The following PPARGC1B variants were observed in gnomAD, a reference collection of about 807,000 sequenced individuals.
PPARGC1B encodes PPARG coactivator 1 beta.
PPARGC1B carries 34 observed loss-of-function variants against 101.6 expected under a neutral mutation model. That is an observed-to-expected ratio of 0.33 (90% CI 0.25 to 0.45). The LOEUF is 0.45. Among genes scored for constraint, PPARGC1B ranks in the 20% least tolerant of loss-of-function variants. The pLI, the probability that PPARGC1B is intolerant of heterozygous loss-of-function variation, is 1.00. For synonymous variants in PPARGC1B, 548 were observed against 539.3 expected (o/e 1.02, Z -0.22); for missense variants, 1,234 against 1,317.6 (o/e 0.94, Z 0.98).
intron 1 of PPARGC1B, among the ~76,000 whole-genome samples, chr5:149,753,907 T>G (rs1235020341): frequency 1.3e-5 from 2 of 152,178 alleles, no homozygotes; most frequent in African/African-American, 4.8e-5. Flanking sequence ...TTGGCCAGGC[T>G]GGTCTCGAAC....
At chr5:149,821,679 G>A (rs1041819255) in intron 2 of PPARGC1B, among the ~76,000 whole-genome samples, 2 of 152,136 alleles carry the variant, frequency 1.3e-5, no homozygotes, top group Non-Finnish European at 1.5e-5. Flanking sequence ...TCCTCCTCAT[G>A]GATTTTATCA....
chr5:149,799,821 C>G (rs1375620809), intron 1 of PPARGC1B, among the ~76,000 whole-genome samples: 1 of 151,236 alleles, frequency 6.6e-6, no homozygotes, highest in African/African-American at 2.4e-5. Context: ...CCTCAGCCTC[C>G]TGAATAGCTG....
intron 9 of PPARGC1B, among the ~76,000 whole-genome samples, chr5:149,840,669 C>G (rs1266247159): frequency 6.6e-6 from 1 of 152,238 alleles, no homozygotes; most frequent in Non-Finnish European, 1.5e-5. Flanking sequence ...TCCACAGGCC[C>G]TGGCCTTCTG....
rs200880286 is a variant in PPARGC1B at position 149,837,007 on chromosome 5, G to A, written c.2552G>A (p.Arg851His). The A allele has an allele frequency of 6.3e-5, 101 of 1,613,896 alleles. No individual in the cohort carries two copies. Among genetic ancestry groups the A allele is most frequent in the Admixed American group, 1.0e-4 (6 of 60,024 alleles). Reference sequence around the variant, plus strand: ...AAGGCCAACCGGCAGCTCTGTTCCCGCAGCCGCTCAAGCTCTGGCTCTTCA... The same window carrying A: ...AAGGCCAACCGGCAGCTCTGTTCCCACAGCCGCTCAAGCTCTGGCTCTTCA... ...PSKANRQLCS[R>H]SRSSSGSSPC... Residue 851 changes from arginine (R) to histidine (H), a missense_variant, in exon 8 of 12, where the codon CGC becomes CAC. This residue lies in a region of PPARGC1B where 497 missense variants were observed against 529.5 expected (regional missense o/e 0.94). Coordinates refer to ENST00000309241, the MANE Select transcript of PPARGC1B (RefSeq NM_133263.4). The surrounding 1 kb of genome is among the most constrained non-coding windows in gnomAD (Gnocchi z 4.2).
intron 5 of PPARGC1B, 54 bp from the exon 6 acceptor site, chr5:149,834,620 A>G: frequency 1.3e-6 from 2 of 1,558,466 alleles, no homozygotes; most frequent in Non-Finnish European, 1.8e-6. Flanking sequence ...GAGGGGAAAC[A>G]TCTGCTAGTG....
At position 149,830,703 on chromosome 5, in the gene PPARGC1B, A is replaced by G; in HGVS notation, c.466-64A>G. On this transcript the variant is annotated intron_variant, in intron 3 of 11. Transcript: ENST00000309241. Reference sequence around the variant, plus strand: ...CAAGGTCAGTCCTGAGGGGCTGGCCATGCAGTCCATGTCCTCTGGCTGTGG... The same window carrying G: ...CAAGGTCAGTCCTGAGGGGCTGGCCGTGCAGTCCATGTCCTCTGGCTGTGG... The G allele has an allele frequency of 4.1e-6, 5 of 1,225,772 alleles. No homozygotes were observed. In the Admixed American group the frequency reaches 8.5e-5, roughly 21 times the overall value. The allele number at this position is 1,225,772 out of a possible 1,614,324, so 75.9% of individuals were successfully genotyped here. A position where few individuals can be genotyped will look rare whatever the true frequency, so the allele number is the denominator to read the frequency against.
chr5:149,784,337 C>T (rs555268606), intron 1 of PPARGC1B, among the ~76,000 whole-genome samples: 2 of 152,144 alleles, frequency 1.3e-5, no homozygotes, highest in South Asian at 4.2e-4. Flanking sequence ...GAAGCAGCCA[C>T]CTCATGGGGC....
In PPARGC1B at chr5:149,836,845, G is replaced by A. The variant is rs866697972; in HGVS notation, c.2390G>A (p.Ser797Asn). 1.9e-5 allele frequency: 30 copies of A among 1,613,076 alleles called. No homozygotes were observed. The highest frequency in any genetic ancestry group is 2.7e-5 in the African/African-American group (2 of 74,952). ...GACACTGTCTTTGAAGACAGCAGCA[G>A]CAGCAGCGGCGAGAGCAGCTTCCTC... ...EYDTVFEDSSSSSGESSFLPE... is the reference protein window; with the variant it reads ...EYDTVFEDSSNSSGESSFLPE... Residue 797 changes from serine to asparagine, a missense_variant, in exon 8 of 12, where the codon AGC becomes AAC. Physicochemically the swap from Ser to Asn is conservative, Grantham distance 46. Coordinates refer to ENST00000309241, the MANE Select transcript of PPARGC1B (RefSeq NM_133263.4).
At chr5:149,734,549 GTTGT>G (rs1007792330) in intron 1 of PPARGC1B, among the ~76,000 whole-genome samples, 4 of 151,698 alleles carry the variant, frequency 2.6e-5, no homozygotes, top group East Asian at 3.9e-4. Context: ...ACTCATTTAC[GTTGT>G]TTAATTTTTT....
intron 1 of PPARGC1B, among the ~76,000 whole-genome samples, chr5:149,782,631 G>A (rs1756636718): frequency 6.6e-6 from 1 of 152,240 alleles, no homozygotes; most frequent in Admixed American, 6.5e-5. Flanking sequence ...CCATTTCAAG[G>A]AGCCCTTTTA....
In PPARGC1B at chr5:149,836,368, C is replaced by G. The variant is rs1218266661; in HGVS notation, c.1913C>G (p.Ser638Cys). ...LGKEIALSLP[S>C]PEGLSLKATP... ...AAAGAAATAGCTCTCAGCCTCCCCTCCCCTGAGGGCCTCTCACTCAAGGCC... is the reference window on the plus strand; with the variant it reads ...AAAGAAATAGCTCTCAGCCTCCCCTGCCCTGAGGGCCTCTCACTCAAGGCC... Residue 638 changes from serine to cysteine, a missense_variant, in exon 8 of 12, where the codon TCC becomes TGC. Ser to Cys is a moderately radical substitution (Grantham distance 112). Transcript: ENST00000309241. 2 of 1,614,022 alleles carry G rather than the reference C, an allele frequency of 1.2e-6. No individual in the cohort carries two copies. Among genetic ancestry groups the G allele is most frequent in the African/African-American group, 1.3e-5 (1 of 74,924 alleles).
Position 149,826,873 on chromosome 5 carries a change from C to T in PPARGC1B, c.453C>T (p.Asp151=), listed in dbSNP as rs746963333. The change falls in exon 3 of 12, where the codon GAC becomes GAT. Residue 151 remains aspartate (D), a synonymous_variant. Coordinates refer to ENST00000309241, the MANE Select transcript of PPARGC1B (RefSeq NM_133263.4). The part of the protein sequence containing the change: ...EKPSAPAPEV[D]ELSLLQKLLL... ...CCTCGGCCCCAGCCCCTGAGGTGGA[C>T]GAGCTCTCACTGGTAAGAACCTACT... The T allele has an allele frequency of 6.1e-5, 98 of 1,610,336 alleles. No individual in the cohort carries two copies. Among genetic ancestry groups the T allele is most frequent in the Non-Finnish European group, 8.0e-5 (94 of 1,177,710 alleles).
intron 1 of PPARGC1B, among the ~76,000 whole-genome samples, chr5:149,759,748 A>G (rs1269312427): frequency 6.6e-6 from 1 of 152,220 alleles, no homozygotes; most frequent in Non-Finnish European, 1.5e-5. Context: ...CAGCAGCAGC[A>G]TGGGGCAGCT....
intron 3 of PPARGC1B, among the ~76,000 whole-genome samples, chr5:149,830,057 A>AAG (rs1561602329): frequency 7.6e-3 from 475 of 62,384 alleles, no homozygotes; most frequent in African/African-American, 0.033. Context: ...AAAAAAAAGA[A>AAG]AAAAAAAAAA....
chr5:149,833,765 G>A lies in PPARGC1B; in HGVS notation c.1692G>A (p.Gln564=). ...GDMDEDPSCP[Q]LPPRDSPRCL... is the part of the protein sequence containing the mutation. ...TGGATGAGGACCCCAGCTGCCCGCA[G>A]CTCCCTCCCAGAGGTAGTCAGAGTT... The change falls in exon 5 of 12, where the codon CAG becomes CAA. Residue 564 remains glutamine, a synonymous_variant. Transcript: ENST00000309241. The surrounding 1 kb of genome is among the most constrained non-coding windows in gnomAD (Gnocchi z 4.1). 1 of 1,532,142 alleles carries A rather than the reference G, an allele frequency of 6.5e-7. No homozygotes were observed. The allele number at this position is 1,532,142 out of a possible 1,614,324, so 94.9% of individuals were successfully genotyped here.
chr5:149,759,659 G>A (rs534273652), intron 1 of PPARGC1B, among the ~76,000 whole-genome samples: 7 of 152,198 alleles, frequency 4.6e-5, no homozygotes, highest in African/African-American at 1.7e-4. Context: ...GAGCTCCTCC[G>A]GCTCCTTCCC....
intron 10 of PPARGC1B, 50 bp downstream of exon 10, chr5:149,842,427 G>A: frequency 6.3e-7 from 1 of 1,590,618 alleles, no homozygotes. Context: ...AGGGGCACTG[G>A]TCCTGATCCA....
chr5:149,830,929 G>A (rs1411576824), intron 4 of PPARGC1B, 46 bp downstream of exon 4: 2 of 1,348,838 alleles, frequency 1.5e-6, no homozygotes, highest in Non-Finnish European at 2.1e-6. Context: ...GTCTGTTGGG[G>A]CTGCAGCCTT....
intron 1 of PPARGC1B, among the ~76,000 whole-genome samples, chr5:149,731,882 C>T (rs1754489584): frequency 6.6e-6 from 1 of 152,050 alleles, no homozygotes; most frequent in South Asian, 2.1e-4. Flanking sequence ...GGCAGGCCGC[C>T]CCTGGCCCGC....
Sources: gnomAD v4.1 joint callset for allele counts (sites outside exome capture counted in the v4.1 genomes callset) on GRCh38, gnomAD v4.1.1 for gene constraint, gnomAD v4.1.1 regional missense constraint, Gnocchi (gnomAD v3.1) non-coding constraint, MANE v1.5 for transcripts, NCBI Gene and HGNC (gene_info 2026-07-23, HGNC 2026-07-21) for gene names.